COL4A1: variants seen among roughly 807,000 people sequenced by gnomAD.
The protein encoded by COL4A1 is collagen type IV alpha 1 chain, also known as collagen alpha-1(IV) chain.
In COL4A1, 40 loss-of-function variants were observed where a neutral mutation model predicts 216.6. That is an observed-to-expected ratio of 0.18 (90% CI 0.14 to 0.24). The LOEUF (loss-of-function observed/expected upper bound fraction) is 0.24. Among genes scored for constraint, COL4A1 ranks in the 10% least tolerant of loss-of-function variants. The pLI is 1.00. For synonymous variants in COL4A1, 839 were observed against 810.7 expected, an observed-to-expected ratio of 1.03 and a Z score of -0.59; for missense variants, 1,628 against 2,196.8, an observed-to-expected ratio of 0.74 and a Z score of 5.18.
intron 2 of COL4A1, among the ~76,000 whole-genome samples, chr13:110,240,908 C>T (rs571947127): frequency 5.9e-5 from 9 of 152,196 alleles, no homozygotes; most frequent in African/African-American, 2.4e-5. Flanking sequence ...CTTGCTCTGT[C>T]GCCTAGGCTA....
intron 2 of COL4A1, among the ~76,000 whole-genome samples, chr13:110,228,883 C>T (rs531471343): frequency 3.3e-5 from 5 of 152,164 alleles, no homozygotes; most frequent in East Asian, 3.9e-4. Context: ...AATTGATTAG[C>T]GAATGGAAAA....
intron 21 of COL4A1, among the ~76,000 whole-genome samples, chr13:110,195,869 C>T (rs1878863288): frequency 6.6e-6 from 1 of 152,190 alleles, no homozygotes; most frequent in Admixed American, 6.5e-5. Context: ...GCACTGAAGG[C>T]CCTCCCCTCT....
At chr13:110,257,282 CCTT>C (rs1399588545) in intron 1 of COL4A1, among the ~76,000 whole-genome samples, 7 of 152,194 alleles carry the variant, frequency 4.6e-5, no homozygotes, top group African/African-American at 1.7e-4. Context: ...CTGCGGCAAA[CCTT>C]CTCTGCATTT....
chr13:110,306,232 A>G (rs1240645767), intron 1 of COL4A1, among the ~76,000 whole-genome samples: 2 of 152,242 alleles, frequency 1.3e-5, no homozygotes, highest in African/African-American at 4.8e-5. Flanking sequence ...TGCATGGAAC[A>G]ATGACATGGA....
intron 1 of COL4A1, among the ~76,000 whole-genome samples, chr13:110,270,670 C>G (rs1461754611): frequency 6.6e-6 from 1 of 152,136 alleles, no homozygotes; most frequent in African/African-American, 2.4e-5. Flanking sequence ...CACAGCCTCT[C>G]CACCATCACC....
intron 1 of COL4A1, among the ~76,000 whole-genome samples, chr13:110,256,676 G>A (rs1038719377): frequency 6.6e-5 from 10 of 152,152 alleles, no homozygotes; most frequent in East Asian, 1.9e-4. Flanking sequence ...TGCGGAGGTC[G>A]GCCATGGGGT....
intron 24 of COL4A1, among the ~76,000 whole-genome samples, chr13:110,189,636 G>C (rs141131303): frequency 2.0e-3 from 307 of 152,334 alleles, no homozygotes; most frequent in Admixed American, 5.7e-3. Flanking sequence ...GTAGCAGAGA[G>C]TCATGGAAAA....
chr13:110,161,973 A>G, intron 48 of COL4A1: 1 of 542,874 alleles, frequency 1.8e-6, no homozygotes, highest in Middle Eastern at 5.1e-4. Flanking sequence ...AAGTTTTATT[A>G]ATTTAAAGAT....
intron 2 of COL4A1, among the ~76,000 whole-genome samples, chr13:110,220,130 G>T (rs1348632539): frequency 1.3e-5 from 2 of 151,940 alleles, no homozygotes; most frequent in Non-Finnish European, 2.9e-5. Flanking sequence ...TAGAGACGGG[G>T]TTTCGCCATG....
At chr13:110,156,749 A>G (rs1876804598) in intron 49 of COL4A1, among the ~76,000 whole-genome samples, 1 of 152,266 alleles carries the variant, frequency 6.6e-6, no homozygotes, top group South Asian at 2.1e-4. Context: ...AACAATGCTG[A>G]TAAATGACTA....
At chr13:110,172,878 G>A in intron 40 of COL4A1, 108 bp from the exon 41 acceptor site, 1 of 894,760 alleles carries the variant, frequency 1.1e-6, no homozygotes, top group Non-Finnish European at 1.9e-6. Context: ...ATATTGTGGA[G>A]TACATAGATA....
chr13:110,156,126 G>A (rs941520719), intron 49 of COL4A1, among the ~76,000 whole-genome samples: 1 of 152,206 alleles, frequency 6.6e-6, no homozygotes, highest in African/African-American at 2.4e-5. Flanking sequence ...TGTCTGTCTT[G>A]TAGAAGGGGA....
chr13:110,244,091 A>G (rs888381637), intron 1 of COL4A1, among the ~76,000 whole-genome samples: 7 of 152,208 alleles, frequency 4.6e-5, no homozygotes, highest in Non-Finnish European at 8.8e-5. Flanking sequence ...GTTTACTTAT[A>G]TTCTACTTCA....
intron 1 of COL4A1, among the ~76,000 whole-genome samples, chr13:110,263,905 C>A (rs532073103): frequency 6.3e-4 from 96 of 152,222 alleles, no homozygotes; most frequent in African/African-American, 2.3e-3. Flanking sequence ...AATTAAACAG[C>A]TGAATGTTTA....
rs41275100 is a variant in COL4A1, at chr13:110,212,015, T to A, written c.388-93A>T. On this transcript the variant is annotated intron_variant, in intron 6 of 51. Coordinates refer to ENST00000375820, the MANE Select transcript of COL4A1 (RefSeq NM_001845.6). ...TGCATCACTCTGCCCTACCCTTCATTTGTTGGTTAAAATCATTTCCTAAAA... is the reference window on the plus strand; with the variant it reads ...TGCATCACTCTGCCCTACCCTTCATATGTTGGTTAAAATCATTTCCTAAAA... The A allele has an allele frequency of 2.9e-3, 3,711 of 1,281,708 alleles. 11 individuals carry two copies. Among genetic ancestry groups the A allele is most frequent in the Non-Finnish European group, 3.6e-3 (3,156 of 879,206 alleles). 79.4% of individuals were successfully genotyped at this position (1,281,708 alleles called of 1,614,324 possible).
intron 1 of COL4A1, among the ~76,000 whole-genome samples, chr13:110,254,477 G>A (rs867488205): frequency 2.6e-5 from 4 of 152,084 alleles, no homozygotes; most frequent in South Asian, 2.1e-4. Flanking sequence ...ATCCCACTGC[G>A]TTCCACCAGC....
At chr13:110,250,743 A>T (rs967398344) in intron 1 of COL4A1, among the ~76,000 whole-genome samples, 1 of 152,120 alleles carries the variant, frequency 6.6e-6, no homozygotes, top group Non-Finnish European at 1.5e-5. Context: ...GGGAGGCATG[A>T]CCTGGGGCGA....
chr13:110,209,629 C>A (rs535073750), intron 10 of COL4A1, among the ~76,000 whole-genome samples: 1 of 152,206 alleles, frequency 6.6e-6, no homozygotes, highest in South Asian at 2.1e-4. Context: ...AATCCATCTC[C>A]CCTGCTCCCT....
At chr13:110,163,371 C>T (rs993214787) in intron 47 of COL4A1, 92 bp downstream of exon 47, 2 of 1,094,642 alleles carry the variant, frequency 1.8e-6, no homozygotes, top group Admixed American at 3.8e-5. Context: ...ATATATCCAA[C>T]TTCATTCTGC....
Sources: allele counts gnomAD v4.1 joint callset (sites outside exome capture counted in the v4.1 genomes callset), GRCh38; gene constraint gnomAD v4.1.1; transcripts MANE v1.5; gene names NCBI Gene and HGNC (gene_info 2026-07-23, HGNC 2026-07-21).